Variants in FAT3 observed in about 807,000 individuals in gnomAD.
FAT3 encodes FAT atypical cadherin 3.
A neutral mutation model predicts 310.2 loss-of-function variants in FAT3; 95 were observed. The ratio of observed to expected loss-of-function variants is 0.31; its 90% CI spans 0.26 to 0.36. The LOEUF is 0.36. Ranked by LOEUF, FAT3 falls within the 10% of genes least tolerant of loss-of-function variation. The pLI, the probability that FAT3 is intolerant of heterozygous loss-of-function variation, is 1.00. For missense variants in FAT3, 5,408 were observed against 5,715.6 expected, an observed-to-expected ratio of 0.95 and a Z score of 1.74; for synonymous variants, 2,314 against 2,192.9, an observed-to-expected ratio of 1.06 and a Z score of -1.54.
chr11:92,795,646 C>G (rs909345774), intron 9 of FAT3, among the ~76,000 whole-genome samples: 17 of 152,000 alleles, frequency 1.1e-4, no homozygotes, highest in Non-Finnish European at 1.5e-4. Context: ...CACAGTGGCT[C>G]GTGCCTGTAA....
chr11:92,855,185 CAG>C (rs1202251365), intron 19 of FAT3, among the ~76,000 whole-genome samples: 1 of 152,190 alleles, frequency 6.6e-6, no homozygotes, highest in Non-Finnish European at 1.5e-5. Context: ...GTGAAAACAG[CAG>C]AGTCAGCTGG....
chr11:92,462,194 G>A (rs973246320), intron 2 of FAT3, among the ~76,000 whole-genome samples: 2 of 151,710 alleles, frequency 1.3e-5, no homozygotes, highest in Non-Finnish European at 2.9e-5. Context: ...TTAGGTTCAG[G>A]GAGTACATGT....
chr11:92,329,034 T>C (rs544378941), intron 1 of FAT3, among the ~76,000 whole-genome samples: 2 of 152,140 alleles, frequency 1.3e-5, no homozygotes, highest in Non-Finnish European at 2.9e-5. Flanking sequence ...AAATATACTA[T>C]CTTTCTCTTT....
intron 1 of FAT3, among the ~76,000 whole-genome samples, chr11:92,245,999 AG>A (rs1315609433): frequency 1.3e-5 from 2 of 152,090 alleles, no homozygotes; most frequent in African/African-American, 2.4e-5. Flanking sequence ...TCCTGTCAGC[AG>A]GGTGATTAAG....
At chr11:92,651,250 G>A (rs886586620) in intron 3 of FAT3, among the ~76,000 whole-genome samples, 12 of 152,332 alleles carry the variant, frequency 7.9e-5, no homozygotes, top group African/African-American at 2.9e-4. Flanking sequence ...CAGGCAGTTT[G>A]TGGTTTAGTG....
intron 1 of FAT3, among the ~76,000 whole-genome samples, chr11:92,304,709 G>A (rs1465562524): frequency 4.6e-5 from 7 of 152,038 alleles, no homozygotes; most frequent in African/African-American, 7.2e-5. Flanking sequence ...TGGAATTCAC[G>A]AAACTAGATC....
intron 2 of FAT3, among the ~76,000 whole-genome samples, chr11:92,489,798 A>G (rs754930151): frequency 1.3e-5 from 2 of 152,060 alleles, no homozygotes; most frequent in African/African-American, 2.4e-5. Context: ...ATACATTATG[A>G]CACAGCTCTC....
At chr11:92,745,318 G>T (rs977456704) in intron 4 of FAT3, among the ~76,000 whole-genome samples, 7 of 152,164 alleles carry the variant, frequency 4.6e-5, no homozygotes, top group African/African-American at 1.7e-4. Context: ...CGGCTAATAT[G>T]ATGTCACATC....
chr11:92,401,850 G>A (rs1950020770), intron 2 of FAT3, among the ~76,000 whole-genome samples: 1 of 152,116 alleles, frequency 6.6e-6, no homozygotes, highest in African/African-American at 2.4e-5. Flanking sequence ...ATTAAACACA[G>A]CTCATCTCAG....
At chr11:92,748,733 A>G (rs915206746) in intron 4 of FAT3, 1 of 152,208 alleles carries the variant, frequency 6.6e-6, no homozygotes, top group Non-Finnish European at 1.5e-5. Context: ...ATACCAAATC[A>G]TAGGTCAAAT....
intron 9 of FAT3, among the ~76,000 whole-genome samples, chr11:92,797,526 A>G (rs896453016): frequency 1.3e-5 from 2 of 152,190 alleles, no homozygotes; most frequent in African/African-American, 4.8e-5. Flanking sequence ...TAGCAGAAAG[A>G]TCTCTCCTTC....
chr11:92,474,044 G>A (rs375160327), intron 2 of FAT3, among the ~76,000 whole-genome samples: 2 of 152,126 alleles, frequency 1.3e-5, no homozygotes, highest in African/African-American at 4.8e-5. Flanking sequence ...ACTGGAGAAC[G>A]TAACTTTTGA....
At chr11:92,572,849 A>G (rs559064634) in intron 3 of FAT3, among the ~76,000 whole-genome samples, 15 of 152,336 alleles carry the variant, frequency 9.8e-5, no homozygotes, top group African/African-American at 3.6e-4. Flanking sequence ...GAAAACATGC[A>G]GTAGCTTGCT....
chr11:92,373,837 T>C (rs1366768164), intron 2 of FAT3, among the ~76,000 whole-genome samples: 4 of 150,474 alleles, frequency 2.7e-5, no homozygotes, highest in Non-Finnish European at 5.9e-5. Flanking sequence ...TGGATATAGA[T>C]GTATGAGAGG....
chr11:92,434,950 G>C lies in FAT3; in HGVS notation c.3292+79546G>C, dbSNP rs184285956. Among the ~76,000 whole-genome samples, 355 of 152,292 alleles carry C rather than the reference G, an allele frequency of 2.3e-3. 1 individual carries two copies. The highest frequency in any genetic ancestry group is 2.9e-3 in the Non-Finnish European group (199 of 68,026). Reference sequence around the variant, plus strand: ...ATGGGAATGGAACCACGTTCAGCTGGCTGAAGAAGAGACCTAAAGACATGG... The same window carrying C: ...ATGGGAATGGAACCACGTTCAGCTGCCTGAAGAAGAGACCTAAAGACATGG... On this transcript the variant is annotated intron_variant, in intron 2 of 27. Coordinates refer to ENST00000525166, the MANE Select transcript of FAT3 (RefSeq NM_001367949.2).
At chr11:92,295,292 C>G (rs578034791) in intron 1 of FAT3, among the ~76,000 whole-genome samples, 3 of 152,066 alleles carry the variant, frequency 2.0e-5, no homozygotes, top group Admixed American at 6.6e-5. Flanking sequence ...GTTCACAGAG[C>G]CTGCCAAGAG....
intron 4 of FAT3, among the ~76,000 whole-genome samples, chr11:92,758,144 A>C (rs538590720): frequency 2.0e-5 from 3 of 152,218 alleles, no homozygotes; most frequent in South Asian, 4.1e-4. Context: ...TCTTGATTTC[A>C]TAGAATATTT....
At chr11:92,455,491 T>TC (rs563095769) in intron 2 of FAT3, among the ~76,000 whole-genome samples, 154 of 152,262 alleles carry the variant, frequency 1.0e-3, no homozygotes, top group African/African-American at 3.6e-3. Flanking sequence ...TTCTTACAGG[T>TC]AGTGATCTGG....
intron 7 of FAT3, among the ~76,000 whole-genome samples, chr11:92,784,505 C>G (rs1171193855): frequency 1.3e-5 from 2 of 152,180 alleles, no homozygotes; most frequent in Admixed American, 6.5e-5. Flanking sequence ...GGCATCTACC[C>G]AGACTTAGCT....
Sources: gnomAD v4.1 joint callset for allele counts (sites outside exome capture counted in the v4.1 genomes callset) on GRCh38, gnomAD v4.1.1 for gene constraint, MANE v1.5 for transcripts, NCBI Gene and HGNC (gene_info 2026-07-23, HGNC 2026-07-21) for gene names.